Variants in CDKAL1 observed in about 807,000 individuals in gnomAD.
CDKAL1 encodes the protein threonylcarbamoyladenosine tRNA methylthiotransferase.
Under a neutral mutation model 68.2 loss-of-function variants are expected in CDKAL1, and 32 were observed. The ratio of observed to expected loss-of-function variants is 0.47; its 90% CI spans 0.35 to 0.63. The LOEUF (loss-of-function observed/expected upper bound fraction) is 0.63, where lower values mean the gene tolerates loss of function less well. CDKAL1 is among the 30% of genes least tolerant of loss of function. The pLI, the probability that CDKAL1 is intolerant of heterozygous loss-of-function variation, is 0.00. For missense variants in CDKAL1, 606 were observed against 696.7 expected (o/e 0.87, Z 1.47); for synonymous variants, 234 against 244.3 (o/e 0.96, Z 0.39).
At chr6:20,693,201 C>G (rs1230449510) in intron 5 of CDKAL1, among the ~76,000 whole-genome samples, 1 of 149,398 alleles carries the variant, frequency 6.7e-6, no homozygotes, top group African/African-American at 2.5e-5. Flanking sequence ...GATCTCAGCT[C>G]TCTCTGTGGT....
intron 9 of CDKAL1, among the ~76,000 whole-genome samples, chr6:20,884,747 A>G (rs559368168): frequency 6.6e-6 from 1 of 152,348 alleles, no homozygotes; most frequent in Admixed American, 6.5e-5. Flanking sequence ...GAAATTAAGA[A>G]AGTGATTCCG....
intron 9 of CDKAL1, among the ~76,000 whole-genome samples, chr6:20,925,815 G>T (rs976681558): frequency 2.6e-5 from 4 of 152,106 alleles, no homozygotes; most frequent in Admixed American, 6.5e-5. Flanking sequence ...ACAGAGTACT[G>T]TGACATTTTC....
At chr6:21,186,229 C>A (rs1255053946) in intron 13 of CDKAL1, among the ~76,000 whole-genome samples, 1 of 152,078 alleles carries the variant, frequency 6.6e-6, no homozygotes, top group African/African-American at 2.4e-5. Context: ...ATCTTTTCTG[C>A]TTCCTCAGCC....
chr6:20,630,320 T>A (rs988962077), intron 4 of CDKAL1, among the ~76,000 whole-genome samples: 1 of 152,074 alleles, frequency 6.6e-6, no homozygotes, highest in Non-Finnish European at 1.5e-5. Flanking sequence ...CCTCTTCCCC[T>A]TGGATGGGCT....
At chr6:20,854,297 T>C (rs917296877) in intron 9 of CDKAL1, among the ~76,000 whole-genome samples, 5 of 152,210 alleles carry the variant, frequency 3.3e-5, no homozygotes, top group Admixed American at 3.3e-4. Flanking sequence ...CAGGATGAGA[T>C]CTACTTGCTG....
chr6:20,844,995 G>A (rs748924272), intron 8 of CDKAL1, among the ~76,000 whole-genome samples: 1 of 152,136 alleles, frequency 6.6e-6, no homozygotes, highest in Non-Finnish European at 1.5e-5. Flanking sequence ...AGTTAAACAC[G>A]TTTTAAAATG....
intron 8 of CDKAL1, among the ~76,000 whole-genome samples, chr6:20,802,012 G>T (rs550932948): frequency 2.6e-5 from 4 of 152,080 alleles, no homozygotes; most frequent in African/African-American, 9.6e-5. Context: ...AAATATGAAT[G>T]ACGGCCGGGT....
At chr6:20,635,527 C>G (rs944580268) in intron 4 of CDKAL1, among the ~76,000 whole-genome samples, 2 of 152,104 alleles carry the variant, frequency 1.3e-5, no homozygotes, top group Non-Finnish European at 2.9e-5. Flanking sequence ...GCATTATACA[C>G]TTACTGGTTG....
At chr6:20,595,915 C>T (rs1325963650) in intron 4 of CDKAL1, among the ~76,000 whole-genome samples, 5 of 152,200 alleles carry the variant, frequency 3.3e-5, no homozygotes, top group Non-Finnish European at 5.9e-5. Flanking sequence ...AATTTTCCTT[C>T]TAACAGTCAG....
chr6:21,108,619 A>G (rs1773969596), intron 13 of CDKAL1, among the ~76,000 whole-genome samples, 156 bp downstream of exon 13: 1 of 152,204 alleles, frequency 6.6e-6, no homozygotes, highest in Non-Finnish European at 1.5e-5. Flanking sequence ...TAAAGAAAAC[A>G]GAAATGTTAT....
intron 8 of CDKAL1, among the ~76,000 whole-genome samples, chr6:20,787,735 T>C (rs1775735039): frequency 6.6e-6 from 1 of 152,248 alleles, no homozygotes; most frequent in African/African-American, 2.4e-5. Context: ...TCTAGGCCAG[T>C]ACTAACCAAA....
chr6:20,927,761 C>T (rs1186377498), intron 9 of CDKAL1, among the ~76,000 whole-genome samples: 3 of 151,438 alleles, frequency 2.0e-5, no homozygotes, highest in Non-Finnish European at 4.4e-5. Context: ...TTTTTTTTTC[C>T]CCCAAAGTAG....
At chr6:21,119,705 C>T (rs560533567) in intron 13 of CDKAL1, among the ~76,000 whole-genome samples, 1 of 152,248 alleles carries the variant, frequency 6.6e-6, no homozygotes, top group South Asian at 2.1e-4. Flanking sequence ...CCTACTTTTG[C>T]ATTTCCCCAC....
intron 10 of CDKAL1, among the ~76,000 whole-genome samples, chr6:20,973,521 A>G (rs1401443312): frequency 6.6e-6 from 1 of 152,164 alleles, no homozygotes; most frequent in African/African-American, 2.4e-5. Context: ...CAGTAGAGGC[A>G]TGCCAGTGTT....
At chr6:20,827,221 A>T (rs1032057389) in intron 8 of CDKAL1, among the ~76,000 whole-genome samples, 21 of 152,170 alleles carry the variant, frequency 1.4e-4, no homozygotes, top group African/African-American at 5.1e-4. Flanking sequence ...GATGTTTTTG[A>T]TATTTGGCAA....
chr6:20,906,672 G>T (rs1019415584), intron 9 of CDKAL1, among the ~76,000 whole-genome samples: 1 of 151,946 alleles, frequency 6.6e-6, no homozygotes, highest in Non-Finnish European at 1.5e-5. Flanking sequence ...TAAAAGTCAG[G>T]GACCATTTGT....
chr6:21,060,094 A>T (rs1005612586), intron 11 of CDKAL1, among the ~76,000 whole-genome samples: 15 of 152,116 alleles, frequency 9.9e-5, no homozygotes, highest in African/African-American at 3.6e-4. Flanking sequence ...TCTTTGAAAT[A>T]GTTTCCATAG....
rs546162513 is a variant in CDKAL1 at position 21,128,806 on chromosome 6, T to G, written c.1299+20343T>G. ...ATTCAAGAGGAATGACAACCTTGCT[T>G]AGGGCAAATCTCTAAATAGAATATA... On this transcript the variant is annotated intron_variant, in intron 13 of 15. Transcript: ENST00000274695. 1.4e-4 allele frequency among the ~76,000 whole-genome samples: 21 copies of G among 152,334 alleles called. No homozygotes were observed. The East Asian group carries it at 3.9e-3, about 28-fold the overall frequency.
At chr6:21,181,518 C>T (rs892413258) in intron 13 of CDKAL1, among the ~76,000 whole-genome samples, 1 of 152,204 alleles carries the variant, frequency 6.6e-6, no homozygotes, top group African/African-American at 2.4e-5. Flanking sequence ...AAGGCCCTCA[C>T]GAGGCACTGG....
Sources: gnomAD v4.1 joint callset for allele counts (sites outside exome capture counted in the v4.1 genomes callset) on GRCh38, gnomAD v4.1.1 for gene constraint, MANE v1.5 for transcripts, NCBI Gene and HGNC (gene_info 2026-07-23, HGNC 2026-07-21) for gene names.